The following POTEE variants were observed in gnomAD, a reference collection of about 807,000 sequenced individuals.
POTEE encodes the protein POTE ankyrin domain family member E, also known as ANKRD26-like family C member 1A.
Under a neutral mutation model 74.2 loss-of-function variants are expected in POTEE, and 21 were observed. The observed-to-expected ratio is 0.28, with a 90% CI of 0.20 to 0.41. POTEE has a LOEUF of 0.41. Ranked by LOEUF, POTEE falls within the 10% of genes least tolerant of loss-of-function variation. The probability of loss-of-function intolerance (pLI) is 1.00; values close to 1 mark genes in which losing one functional copy is unlikely to be tolerated. For synonymous variants in POTEE, 211 were observed against 432.8 expected, an observed-to-expected ratio of 0.49 and a Z score of 6.36; for missense variants, 525 against 1,158.6, an observed-to-expected ratio of 0.45 and a Z score of 7.94.
intron 9 of POTEE, among the ~76,000 whole-genome samples, chr2:131,232,769 G>C (rs962838939): frequency 6.6e-6 from 1 of 151,786 alleles, no homozygotes; most frequent in Admixed American, 6.6e-5. Flanking sequence ...GCTGTTGACA[G>C]TGTTTTATTC....
At chr2:131,223,356 T>C (rs1178293458) in intron 4 of POTEE, among the ~76,000 whole-genome samples, 1 of 148,884 alleles carries the variant, frequency 6.7e-6, no homozygotes, top group African/African-American at 2.6e-5. Context: ...CAAGTAGGAT[T>C]CCAGCCCACG....
intron 10 of POTEE, among the ~76,000 whole-genome samples, chr2:131,237,157 C>T (rs1216178740): frequency 6.6e-6 from 1 of 151,346 alleles, no homozygotes; most frequent in African/African-American, 2.4e-5. Context: ...GAACTTTGTT[C>T]TTTTATTTTT....
intron 6 of POTEE, among the ~76,000 whole-genome samples, chr2:131,225,381 C>G (rs1700749424): frequency 1.3e-5 from 1 of 77,370 alleles, no homozygotes; most frequent in African/African-American, 4.7e-5. Flanking sequence ...CTGTCTCTAA[C>G]AACAACAACA....
intron 3 of POTEE, among the ~76,000 whole-genome samples, 91 bp downstream of exon 3, chr2:131,217,774 C>CGCACGCCGCACG (rs1553474684): frequency 2.5e-5 from 3 of 118,088 alleles, no homozygotes; most frequent in African/African-American, 1.1e-4. Context: ...CACGCGCACG[C>CGCACGCCGCACG]CGCACGCGCA....
At chr2:131,212,650 C>T (rs1325468180) in intron 2 of POTEE, among the ~76,000 whole-genome samples, 4 of 144,656 alleles carry the variant, frequency 2.8e-5, no homozygotes, top group South Asian at 4.5e-4. Context: ...CTGCAACCTC[C>T]GCTTCCTGGG....
chr2:131,230,641 C>T lies in POTEE; in HGVS notation c.1056-195C>T, dbSNP rs182902575. ...GTGCCCTCGATTTATGACTATTTCA[C>T]CTTACATTTTTTTCTTCTTTAATTA... On this transcript the variant is annotated intron_variant, in intron 8 of 17. Transcript: ENST00000683005. Among the ~76,000 whole-genome samples the T allele has an allele frequency of 2.6e-5, 4 of 152,186 alleles. 1 individual carries two copies. Among genetic ancestry groups the T allele is most frequent in the Admixed American group, 1.3e-4 (2 of 15,284 alleles).
At chr2:131,217,133 A>G (rs1314826845) in intron 2 of POTEE, among the ~76,000 whole-genome samples, 2 of 145,334 alleles carry the variant, frequency 1.4e-5, no homozygotes, top group African/African-American at 5.2e-5. Flanking sequence ...TGCATAAACA[A>G]AAAGTTCTTC....
chr2:131,218,524 G>C lies in POTEE; in HGVS notation c.122G>C (p.Ser41Thr). ...CCCTGCTACAGGGAGAGCGGCAAGA[G>C]CAACGTGGGCACTTCTGGAGACCAC... Reference protein sequence around the residue: ...CFPCYRESGKSNVGTSGDHDD... With the variant: ...CFPCYRESGKTNVGTSGDHDD... Residue 41 changes from serine (S) to threonine (T), a missense_variant, in exon 4 of 18, where the codon AGC (serine) becomes ACC (threonine). Physicochemically the swap from Ser to Thr is moderately conservative, Grantham distance 58. Transcript: ENST00000683005. The C allele has an allele frequency of 1.2e-6, 2 of 1,613,268 alleles. No individual in the cohort carries two copies. Among genetic ancestry groups the C allele is most frequent in the Non-Finnish European group, 1.7e-6 (2 of 1,179,866 alleles).
intron 10 of POTEE, among the ~76,000 whole-genome samples, chr2:131,237,619 A>G (rs1259912710): frequency 7.3e-5 from 11 of 151,472 alleles, no homozygotes; most frequent in Non-Finnish European, 1.6e-4. Flanking sequence ...ACATAACACT[A>G]TCATATGACA....
intron 2 of POTEE, among the ~76,000 whole-genome samples, chr2:131,216,280 T>TA (rs1445307781): frequency 6.6e-6 from 1 of 152,118 alleles, no homozygotes; most frequent in African/African-American, 2.4e-5. Flanking sequence ...TTCTACAGAT[T>TA]AAATGCAACC....
In POTEE at chr2:131,211,044, C is replaced by G. The variant is rs961475093; in HGVS notation, c.-328C>G. On this transcript the variant is annotated 5_prime_UTR_variant, in exon 2 of 18. Coordinates refer to ENST00000683005, the MANE Select transcript of POTEE (RefSeq NM_001083538.3). ...CCATTCTAGGCTTTTCTGGCTTTGC[C>G]GGTCTAGCTGCTCCAAGCCAGGCTG... Among the ~76,000 whole-genome samples the G allele has an allele frequency of 6.6e-6, 1 of 150,618 alleles. No individual in the cohort carries two copies.
At chr2:131,230,571 C>T (rs530455041) in intron 8 of POTEE, among the ~76,000 whole-genome samples, 1 of 152,240 alleles carries the variant, frequency 6.6e-6, no homozygotes, top group Admixed American at 6.5e-5. Context: ...AGTTGGGACA[C>T]TTTCTATTAT....
chr2:131,233,274 T>C, intron 9 of POTEE, among the ~76,000 whole-genome samples: 1 of 151,990 alleles, frequency 6.6e-6, no homozygotes, highest in Non-Finnish European at 1.5e-5. Flanking sequence ...CTGTCATATC[T>C]ACTTAACCCT....
chr2:131,218,214 G>T (rs1411305480), intron 3 of POTEE, 96 bp from the exon 4 acceptor site: 1 of 937,964 alleles, frequency 1.1e-6, no homozygotes, highest in African/African-American at 1.7e-5. Flanking sequence ...CTTTCCTCGG[G>T]TGGGTGTGGG....
At chr2:131,210,284 G>C (rs1700329687) in intron 1 of POTEE, among the ~76,000 whole-genome samples, 1 of 100,992 alleles carries the variant, frequency 9.9e-6, no homozygotes, top group African/African-American at 4.1e-5. Flanking sequence ...CTGTGGCTGG[G>C]TCAGGTTGTG....
At position 131,218,774 on chromosome 2, in the gene POTEE, T is replaced by A; in HGVS notation, c.372T>A (p.Asp124Glu). 6.2e-7 allele frequency: 1 copy of A among 1,612,724 alleles called. No individual in the cohort carries two copies. Among genetic ancestry groups the A allele is most frequent in the Non-Finnish European group, 8.5e-7 (1 of 1,179,786 alleles). ...KSKVGAWGDY[D>E]DSAFMEPRYH... ...AGGTGGGCGCTTGGGGAGACTACGA[T>A]GACAGCGCCTTCATGGAGCCCAGGT... Residue 124 changes from aspartate to glutamate, a missense_variant, in exon 4 of 18, where the codon GAT becomes GAA. Asp to Glu is a conservative substitution (Grantham distance 45). Coordinates refer to ENST00000683005, the MANE Select transcript of POTEE (RefSeq NM_001083538.3).
Position 131,209,620 on chromosome 2 carries a change from C to A in POTEE, c.-544C>A, listed in dbSNP as rs534350048. ...TGGAGCCTCGGACACTGGCTCACTG[C>A]AGTTGGTGGTGTCCACAGAGCGGTA... On this transcript the variant is annotated 5_prime_UTR_variant, in exon 1 of 18. An upstream open reading frame in the 5' UTR gains an earlier in-frame stop. Coordinates refer to ENST00000683005, the MANE Select transcript of POTEE (RefSeq NM_001083538.3). 6.6e-6 allele frequency among the ~76,000 whole-genome samples: 1 copy of A among 152,272 alleles called. No homozygotes were observed. Among genetic ancestry groups the A allele is most frequent in the African/African-American group, 2.4e-5 (1 of 41,552 alleles).
At chr2:131,235,792 C>CAAAAAAAAAA (rs1203876832) in intron 9 of POTEE, among the ~76,000 whole-genome samples, 2 of 79,144 alleles carry the variant, frequency 2.5e-5, no homozygotes, top group South Asian at 5.5e-4. Context: ...GACCCTGGCT[C>CAAAAAAAAAA]AAAAAAAAAA....
intron 9 of POTEE, among the ~76,000 whole-genome samples, chr2:131,235,792 C>CAAAAAAAAAAAAA (rs1203876832): frequency 1.3e-5 from 1 of 79,090 alleles, no homozygotes; most frequent in African/African-American, 5.6e-5. Context: ...GACCCTGGCT[C>CAAAAAAAAAAAAA]AAAAAAAAAA....
Sources: gnomAD v4.1 joint callset for allele counts (sites outside exome capture counted in the v4.1 genomes callset) on GRCh38, gnomAD v4.1.1 for gene constraint, MANE v1.5 for transcripts, NCBI Gene and HGNC (gene_info 2026-07-23, HGNC 2026-07-21) for gene names.